Variants in NRG1 observed in about 807,000 individuals in gnomAD.
The protein encoded by NRG1 is pro-neuregulin-1, membrane-bound isoform.
Under a neutral mutation model 63.8 loss-of-function variants are expected in NRG1, and 18 were observed. The observed-to-expected ratio is 0.28, with a 90% CI of 0.19 to 0.42. The LOEUF is 0.42. Among genes scored for constraint, NRG1 ranks in the 10% least tolerant of loss-of-function variants. The pLI is 1.00. For synonymous variants in NRG1, 302 were observed against 301.3 expected (o/e 1.00, Z -0.02); for missense variants, 762 against 814.7 (o/e 0.94, Z 0.79).
chr8:31,926,489 C>T (rs1344530455), intron 1 of NRG1, among the ~76,000 whole-genome samples: 2 of 152,070 alleles, frequency 1.3e-5, no homozygotes, highest in Non-Finnish European at 2.9e-5. Context: ...CTAGTATGAT[C>T]TAAGCTATTC....
intron 1 of NRG1, among the ~76,000 whole-genome samples, chr8:32,356,255 C>T (rs1806373023): frequency 6.6e-6 from 1 of 152,152 alleles, no homozygotes; most frequent in Non-Finnish European, 1.5e-5. Flanking sequence ...CATTTCCAGT[C>T]TCACTTTCCA....
intron 1 of NRG1, among the ~76,000 whole-genome samples, chr8:32,187,023 T>C (rs1320309831): frequency 6.6e-6 from 1 of 152,188 alleles, no homozygotes; most frequent in African/African-American, 2.4e-5. Flanking sequence ...TCTTTCCACA[T>C]TGCCATGCAG....
chr8:32,355,390 TGGA>T lies in NRG1; in HGVS notation c.38-240435_38-240433del, dbSNP rs920667589. On this transcript the variant is annotated intron_variant, in intron 1 of 10. Transcript: ENST00000519301. ...GGGAGACTCCCTTGAACCTGGGAGG[TGGA>T]GGTTGCACCGATCTGAGATTGCATC... Among the ~76,000 whole-genome samples the T allele has an allele frequency of 9.7e-4, 147 of 151,874 alleles. 2 individuals carry two copies. Among genetic ancestry groups the T allele is most frequent in the African/African-American group, 3.4e-3 (139 of 41,406 alleles).
intron 1 of NRG1, among the ~76,000 whole-genome samples, chr8:32,135,429 G>A (rs1312170279): frequency 6.6e-6 from 1 of 152,024 alleles, no homozygotes; most frequent in East Asian, 1.9e-4. Flanking sequence ...TGGTAGTGAA[G>A]ATGCATAGGA....
intron 1 of NRG1, among the ~76,000 whole-genome samples, chr8:31,898,856 CT>C (rs1043413554): frequency 3.9e-5 from 6 of 151,982 alleles, no homozygotes; most frequent in African/African-American, 1.4e-4. Context: ...TCTCTTCTTT[CT>C]TTTTTTTCTT....
At chr8:32,201,109 G>A (rs565362450) in intron 1 of NRG1, among the ~76,000 whole-genome samples, 12 of 152,226 alleles carry the variant, frequency 7.9e-5, no homozygotes, top group African/African-American at 2.9e-4. Flanking sequence ...CCCAAGTTCA[G>A]GCAGTCTCCA....
intron 1 of NRG1, among the ~76,000 whole-genome samples, chr8:32,281,506 A>T (rs1026280256): frequency 6.6e-6 from 1 of 151,628 alleles, no homozygotes; most frequent in Admixed American, 6.6e-5. Flanking sequence ...TCCTCCTCCC[A>T]ACCTCCAACC....
intron 5 of NRG1, among the ~76,000 whole-genome samples, chr8:32,661,121 G>A (rs1176885001): frequency 6.6e-6 from 1 of 152,196 alleles, no homozygotes; most frequent in Admixed American, 6.5e-5. Context: ...GACATGGATG[G>A]TTTGAATAAA....
At position 32,054,859 on chromosome 8, in the gene NRG1, CTTTCTTTTTTTT is replaced by C. The variant is rs1822604836; in HGVS notation, c.37+415432_37+415443del. 5.0e-4 allele frequency among the ~76,000 whole-genome samples: 35 copies of C among 70,644 alleles called. 2 individuals are homozygous for C. The highest frequency in any genetic ancestry group is 1.6e-3 in the African/African-American group (28 of 17,884). The allele number at this position is 70,644 out of a possible 152,430, so 46.3% of individuals were successfully genotyped here. A position where few individuals can be genotyped will look rare whatever the true frequency, so the allele number is the denominator to read the frequency against. ...TTTCCCTTGAAAAGCAGATTTCTTT[CTTTCTTTTTTTT>C]TTTTTTTTTTTTTTTTTTTTTTTTT... is the stretch of plus-strand genomic sequence containing the variant. On this transcript the variant is annotated intron_variant, in intron 1 of 10. Coordinates refer to the NRG1 transcript ENST00000519301.
At chr8:32,559,140 C>T (rs992710508) in intron 1 of NRG1, among the ~76,000 whole-genome samples, 15 of 149,800 alleles carry the variant, frequency 1.0e-4, no homozygotes, top group East Asian at 2.0e-4. Flanking sequence ...TTTATTCACC[C>T]CCCAAATTGT....
intron 1 of NRG1, among the ~76,000 whole-genome samples, chr8:32,141,526 G>A (rs1247419345): frequency 1.4e-5 from 2 of 144,370 alleles, no homozygotes; most frequent in South Asian, 4.4e-4. Flanking sequence ...AGTTAAGTGT[G>A]TGTGTGTGTG....
intron 3 of NRG1, among the ~76,000 whole-genome samples, chr8:32,611,082 A>G (rs1180787611): frequency 6.6e-6 from 1 of 152,134 alleles, no homozygotes; most frequent in Admixed American, 6.5e-5. Context: ...CTGGTTTCCA[A>G]ATTAATTAAG....
At chr8:32,287,344 A>G (rs1364047836) in intron 1 of NRG1, 1 of 152,236 alleles carries the variant, frequency 6.6e-6, no homozygotes, top group Non-Finnish European at 1.5e-5. Context: ...AGGAGATGCA[A>G]AGTCATATCA....
intron 5 of NRG1, among the ~76,000 whole-genome samples, chr8:32,683,263 G>C (rs1212886426): frequency 6.6e-6 from 1 of 152,168 alleles, no homozygotes; most frequent in African/African-American, 2.4e-5. Flanking sequence ...TTCAGGGCTT[G>C]TGTTGATGTA....
At chr8:31,814,983 T>A (rs761436184) in intron 1 of NRG1, among the ~76,000 whole-genome samples, 90 of 152,148 alleles carry the variant, frequency 5.9e-4, no homozygotes, top group Non-Finnish European at 1.8e-4. Context: ...GCTAGGAGGA[T>A]CCACACCCTG....
rs543904360 is a variant in NRG1, at chr8:31,895,326, T to G, written c.37+255895T>G. ...TTGGCAGAATGTCTGCAATTACTCC[T>G]TCTGCTTTTAACTGACTTTGAATCC... On this transcript the variant is annotated intron_variant, in intron 1 of 10. Coordinates refer to the NRG1 transcript ENST00000519301. Among the ~76,000 whole-genome samples, 12 of 152,378 alleles carry G rather than the reference T, an allele frequency of 7.9e-5. No individual in the cohort carries two copies. The South Asian group carries it at 2.1e-3, about 26-fold the overall frequency.
chr8:32,157,545 G>T (rs1309001916), intron 1 of NRG1, among the ~76,000 whole-genome samples: 1 of 151,682 alleles, frequency 6.6e-6, no homozygotes, highest in African/African-American at 2.4e-5. Flanking sequence ...TGTAATCGCA[G>T]CTACTCGGTA....
At position 32,440,891 on chromosome 8, in the gene NRG1, G is replaced by A. The variant is rs547146562; in HGVS notation, c.38-154937G>A. 3 of 152,182 alleles carry A rather than the reference G, an allele frequency of 2.0e-5. No homozygotes were observed. The East Asian group carries it at 5.8e-4, about 29-fold the overall frequency. The allele number at this position is 152,182 out of a possible 1,614,324, so 9.4% of individuals were successfully genotyped here. On this transcript the variant is annotated intron_variant, in intron 1 of 10. Coordinates refer to the NRG1 transcript ENST00000519301. Reference sequence around the variant, plus strand: ...CGTATATTCAGACTTGCCTGAACACGGCTATGCTGGTTTTAAATTGAAGGT... The same window carrying A: ...CGTATATTCAGACTTGCCTGAACACAGCTATGCTGGTTTTAAATTGAAGGT...
chr8:32,528,067 C>T (rs754027309), intron 1 of NRG1, among the ~76,000 whole-genome samples: 3 of 152,190 alleles, frequency 2.0e-5, no homozygotes, highest in Non-Finnish European at 4.4e-5. Flanking sequence ...ACCTGTAATT[C>T]TTATCCTTCT....
Sources: gnomAD v4.1 joint callset for allele counts (sites outside exome capture counted in the v4.1 genomes callset) on GRCh38, gnomAD v4.1.1 for gene constraint, MANE v1.5 for transcripts, NCBI Gene and HGNC (gene_info 2026-07-23, HGNC 2026-07-21) for gene names.